Variants in SHISA9 observed in about 807,000 individuals in gnomAD.
SHISA9 encodes protein shisa-9.
In SHISA9, 13 loss-of-function variants were observed where a neutral mutation model predicts 38.0. The observed-to-expected ratio is 0.34, with a 90% CI of 0.22 to 0.54. The LOEUF (loss-of-function observed/expected upper bound fraction) is 0.54, where lower values mean the gene tolerates loss of function less well. Among genes scored for constraint, SHISA9 ranks in the 20% least tolerant of loss-of-function variants. The pLI is 0.91. For missense variants in SHISA9, 538 were observed against 575.8 expected (o/e 0.93, Z 0.67); for synonymous variants, 275 against 242.0 (o/e 1.14, Z -1.27).
chr16:12,975,372 C>T (rs2141817136), intron 2 of SHISA9, among the ~76,000 whole-genome samples: 1 of 152,060 alleles, frequency 6.6e-6, no homozygotes, highest in South Asian at 2.1e-4. Flanking sequence ...GGTGTAGTGG[C>T]TGGCACCTGT....
the SHISA9 span, among the ~76,000 whole-genome samples, chr16:13,344,817 T>G: frequency 1.3e-5 from 2 of 152,284 alleles, no homozygotes; most frequent in Admixed American, 6.5e-5. Context: ...CCAAGAAGCA[T>G]GCCTCCAAAT....
intron 2 of SHISA9, among the ~76,000 whole-genome samples, chr16:12,941,327 G>A (rs2071608196): frequency 6.6e-6 from 1 of 151,676 alleles, no homozygotes; most frequent in Non-Finnish European, 1.5e-5. Flanking sequence ...CTCCAGCCTG[G>A]GCAACAGAGT....
the SHISA9 span, among the ~76,000 whole-genome samples, chr16:13,476,397 C>G: frequency 6.6e-5 from 10 of 152,278 alleles, no homozygotes; most frequent in East Asian, 1.9e-3. Context: ...CTCCCATCTC[C>G]TCAGCTGCAG....
intron 2 of SHISA9, among the ~76,000 whole-genome samples, chr16:13,007,676 T>A (rs2072615772): frequency 6.6e-6 from 1 of 152,224 alleles, no homozygotes; most frequent in Non-Finnish European, 1.5e-5. Flanking sequence ...AGCTCTCACA[T>A]GGCCCATGCA....
the SHISA9 span, among the ~76,000 whole-genome samples, chr16:13,551,166 A>G: frequency 6.6e-6 from 1 of 151,742 alleles, no homozygotes; most frequent in Non-Finnish European, 1.5e-5. Flanking sequence ...ATAAAAATCC[A>G]CTGAAGATCT....
At chr16:12,939,541 C>A (rs2071581517) in intron 2 of SHISA9, among the ~76,000 whole-genome samples, 1 of 152,082 alleles carries the variant, frequency 6.6e-6, no homozygotes, top group Admixed American at 6.5e-5. Flanking sequence ...GAGCGTGGAC[C>A]ATAGTTCTCA....
chr16:13,204,169 T>C (rs1436739314), intron 3 of SHISA9, among the ~76,000 whole-genome samples: 2 of 125,700 alleles, frequency 1.6e-5, no homozygotes, highest in Non-Finnish European at 3.4e-5. Flanking sequence ...TATCTATCTA[T>C]TTATCTATCA....
intron 2 of SHISA9, among the ~76,000 whole-genome samples, chr16:13,093,987 C>A (rs1326600328): frequency 6.6e-6 from 1 of 152,152 alleles, no homozygotes; most frequent in Non-Finnish European, 1.5e-5. Context: ...GTCCCAGCCA[C>A]CCCCACTGAA....
rs1351641335 is a variant in SHISA9 at position 13,235,278 on chromosome 16, G to A, written c.1144G>A (p.Ala382Thr). The A allele has an allele frequency of 6.4e-7, 1 of 1,551,568 alleles. No individual in the cohort carries two copies. Among genetic ancestry groups the A allele is most frequent in the South Asian group, 1.2e-5 (1 of 84,062 alleles). The change falls in exon 5 of 5, where the codon GCT becomes ACT. Residue 382 changes from alanine to threonine, a missense_variant. Ala to Thr is a moderately conservative substitution (Grantham distance 58, BLOSUM62 0). This residue lies in a region of SHISA9 where 326 missense variants were observed against 305.9 expected (regional missense o/e 1.07). Coordinates refer to ENST00000558583, the MANE Select transcript of SHISA9 (RefSeq NM_001145204.3). ...CAACGAGCAGTCCCTCCGGCGGCAG[G>A]CTTACAGCAACAAGGGCAAGCTTGG... Reference protein sequence around the residue: ...DPNEQSLRRQAYSNKGKLGTA... With the variant: ...DPNEQSLRRQTYSNKGKLGTA...
At chr16:12,962,093 C>G (rs886665574) in intron 2 of SHISA9, among the ~76,000 whole-genome samples, 1 of 152,258 alleles carries the variant, frequency 6.6e-6, no homozygotes, top group East Asian at 1.9e-4. Flanking sequence ...CTTGCCTGCA[C>G]TGGCCTGGCT....
the SHISA9 span, among the ~76,000 whole-genome samples, chr16:13,259,161 C>G: frequency 6.6e-6 from 1 of 152,148 alleles, no homozygotes; most frequent in Non-Finnish European, 1.5e-5. Context: ...TTGGCCAAAA[C>G]AAAGGGGTTA....
the SHISA9 span, among the ~76,000 whole-genome samples, chr16:13,303,341 G>A: frequency 6.6e-6 from 1 of 152,154 alleles, no homozygotes; most frequent in Admixed American, 6.5e-5. Flanking sequence ...TAGGCTAAAT[G>A]GATGATTAAG....
chr16:12,918,368 A>G (rs1437370072), intron 2 of SHISA9, among the ~76,000 whole-genome samples: 2 of 152,172 alleles, frequency 1.3e-5, no homozygotes, highest in South Asian at 2.1e-4. Flanking sequence ...GAGCAGAGAA[A>G]TTGAAAGGGT....
chr16:13,308,434 G>C, the SHISA9 span, among the ~76,000 whole-genome samples: 4 of 152,218 alleles, frequency 2.6e-5, no homozygotes, highest in Non-Finnish European at 5.9e-5. Context: ...TGAGGGTCCT[G>C]AGGTTGCATT....
chr16:13,283,532 G>A, the SHISA9 span, among the ~76,000 whole-genome samples: 3 of 152,050 alleles, frequency 2.0e-5, no homozygotes, highest in African/African-American at 4.8e-5. Flanking sequence ...GAGAATGAGA[G>A]CCAAGCAAAA....
the SHISA9 span, among the ~76,000 whole-genome samples, chr16:13,436,051 G>T: frequency 6.6e-6 from 1 of 152,288 alleles, no homozygotes; most frequent in South Asian, 2.1e-4. Flanking sequence ...GAACTGGCTT[G>T]AACAGAACAA....
chr16:13,148,777 T>A (rs1199394857), intron 2 of SHISA9, among the ~76,000 whole-genome samples: 1 of 150,928 alleles, frequency 6.6e-6, no homozygotes, highest in Non-Finnish European at 1.5e-5. Context: ...TAATTCAACA[T>A]TGAAAAATTG....
At chr16:13,173,377 T>TACACACACACACACAC (rs34832916) in intron 2 of SHISA9, among the ~76,000 whole-genome samples, 1 of 142,840 alleles carries the variant, frequency 7.0e-6, no homozygotes, top group African/African-American at 2.6e-5. Flanking sequence ...TGTGTGCATG[T>TACACACACACACACAC]ACACACACAC....
intron 1 of SHISA9, among the ~76,000 whole-genome samples, chr16:12,906,392 C>T (rs2071093934): frequency 6.6e-6 from 1 of 152,144 alleles, no homozygotes; most frequent in Non-Finnish European, 1.5e-5. Context: ...AGTCCTGGGC[C>T]TGTGGCCTGC....
Sources: gnomAD v4.1 joint callset for allele counts (sites outside exome capture counted in the v4.1 genomes callset) on GRCh38, gnomAD v4.1.1 for gene constraint, gnomAD v4.1.1 regional missense constraint, MANE v1.5 for transcripts, NCBI Gene and HGNC (gene_info 2026-07-23, HGNC 2026-07-21) for gene names.